The following AVEN variants were observed in gnomAD, a reference collection of about 807,000 sequenced individuals.
AVEN encodes cell death regulator Aven.
AVEN carries 41 observed loss-of-function variants against 38.1 expected under a neutral mutation model. The observed-to-expected ratio is 1.08, with a 90% CI of 0.84 to 1.40. The LOEUF (loss-of-function observed/expected upper bound fraction) is 1.40. AVEN is among the 40% of genes most tolerant of loss of function. The pLI is 0.00. For missense variants in AVEN, 605 were observed against 438.8 expected, an observed-to-expected ratio of 1.38 and a Z score of -3.38; for synonymous variants, 206 against 171.8, an observed-to-expected ratio of 1.20 and a Z score of -1.56.
chr15:33,857,085 C>G (rs1224363636), downstream of AVEN, among the ~76,000 whole-genome samples: 2 of 152,176 alleles, frequency 1.3e-5, no homozygotes, highest in Non-Finnish European at 2.9e-5. Context: ...CTATTCAATA[C>G]TTAAGTTCCT....
At chr15:33,867,273 C>A (rs1890629891) in intron 5 of AVEN, among the ~76,000 whole-genome samples, 1 of 152,150 alleles carries the variant, frequency 6.6e-6, no homozygotes, top group Non-Finnish European at 1.5e-5. Context: ...TGCAGTCAGG[C>A]AGGTAGCAGC....
chr15:33,865,809 TTTTATG>T (rs1328484244), downstream of AVEN: 1 of 152,900 alleles, frequency 6.5e-6, no homozygotes, highest in African/African-American at 2.4e-5. Context: ...TATGCAAGTT[TTTTATG>T]TTTGTGTTCC....
Position 33,867,600 on chromosome 15 carries a change from G to A in AVEN, c.868C>T (p.Leu290Phe), listed in dbSNP as rs1252538159. ...DHLEEELDLL[L>F]NLDAPIKEGD... Reference sequence around the variant, plus strand: ...TCTTTTATAGGTGCATCTAAATTAAGCAACAGATCTAGTTCTTCTTCCAAA... The same window carrying A: ...TCTTTTATAGGTGCATCTAAATTAAACAACAGATCTAGTTCTTCTTCCAAA... The change falls in exon 5 of 6, where the codon CTT becomes TTT. Residue 290 changes from leucine (L) to phenylalanine (F), a missense_variant. Leu to Phe is a conservative substitution (Grantham distance 22). Transcript: ENST00000306730. 1.9e-6 allele frequency: 3 copies of A among 1,614,070 alleles called. No individual in the cohort carries two copies. Among genetic ancestry groups the A allele is most frequent in the South Asian group, 1.1e-5 (1 of 91,088 alleles).
Position 34,038,915 on chromosome 15 carries a change from GCCGCCGCCT to G in AVEN, c.123_131del (p.Gly43_Gly45del), listed in dbSNP as rs910904456. The G allele has an allele frequency of 2.2e-5, 16 of 721,622 alleles. No homozygotes were observed. The highest frequency in any genetic ancestry group is 6.9e-6 in the Non-Finnish European group (4 of 576,644). The allele number at this position is 721,622 out of a possible 1,614,324, so 44.7% of individuals were successfully genotyped here. A position where few individuals can be genotyped will look rare whatever the true frequency, so the allele number is the denominator to read the frequency against. On this transcript the variant is annotated inframe_deletion, in exon 1 of 6. Coordinates refer to ENST00000306730, the MANE Select transcript of AVEN (RefSeq NM_020371.3). Reference sequence around the variant, plus strand: ...GGCCCCGGCGTCCGCCTCCGTCCCCGCCGCCGCCTCCGCCGCCGCCTCTGGCTACCGCCG... The same window carrying G: ...GGCCCCGGCGTCCGCCTCCGTCCCCGCCGCCGCCGCCTCTGGCTACCGCCG...
chr15:33,992,141 C>A (rs2140573051), intron 2 of AVEN: 1 of 152,400 alleles, frequency 6.6e-6, no homozygotes, highest in African/African-American at 2.4e-5. Context: ...AATCCCAGCA[C>A]TCTGGGAGGC....
At chr15:34,031,209 T>C (rs1898792634) in intron 1 of AVEN, among the ~76,000 whole-genome samples, 1 of 137,002 alleles carries the variant, frequency 7.3e-6, no homozygotes, top group East Asian at 2.4e-4. Flanking sequence ...AGTTTTGCTC[T>C]TGTTGCCCAG....
intron 2 of AVEN, among the ~76,000 whole-genome samples, chr15:33,942,842 C>T (rs553402733): frequency 1.3e-5 from 2 of 152,248 alleles, no homozygotes; most frequent in East Asian, 3.9e-4. Context: ...ATCAAAAGTT[C>T]TATATTCCTT....
intron 4 of AVEN, among the ~76,000 whole-genome samples, chr15:33,868,673 C>T (rs1890806199): frequency 6.6e-6 from 1 of 151,782 alleles, no homozygotes; most frequent in Non-Finnish European, 1.5e-5. Flanking sequence ...GTAAAAAATG[C>T]CAGACACAAA....
chr15:33,957,534 C>T (rs923957904), intron 2 of AVEN, among the ~76,000 whole-genome samples: 1 of 152,084 alleles, frequency 6.6e-6, no homozygotes, highest in African/African-American at 2.4e-5. Flanking sequence ...CACAAAAAGA[C>T]TTGTATATTA....
chr15:34,024,860 C>CA (rs34957149), intron 1 of AVEN, among the ~76,000 whole-genome samples: 94,125 of 145,784 alleles, frequency 0.65, 35,197 homozygotes, highest in Non-Finnish European at 0.84. Context: ...GACTCCTTCT[C>CA]AAAAAAAAAA....
downstream of AVEN, among the ~76,000 whole-genome samples, chr15:33,862,794 A>T (rs968009668): frequency 2.0e-5 from 3 of 152,076 alleles, no homozygotes; most frequent in Non-Finnish European, 4.4e-5. Flanking sequence ...TATTTTTAGT[A>T]GAGACAGGGT....
chr15:33,925,979 A>AT (rs1893590903), intron 2 of AVEN, among the ~76,000 whole-genome samples: 1 of 152,094 alleles, frequency 6.6e-6, no homozygotes, highest in Non-Finnish European at 1.5e-5. Context: ...GTATTGGGCG[A>AT]TATCCTTGAA....
rs1890546751 is a variant in AVEN, at chr15:33,866,627, T to C, written c.1075A>G (p.Ser359Gly). The change falls in exon 6 of 6, where the codon AGC (serine) becomes GGC (glycine). Residue 359 changes from serine (S) to glycine (G), a missense_variant. Coordinates refer to ENST00000306730, the MANE Select transcript of AVEN (RefSeq NM_020371.3). ...TTTTCCCCTTTTTAGGAAATCATGC[T>C]GTCCAACCAGTCTTCCAGCTCTTCC... is the stretch of plus-strand genomic sequence containing the variant. ...TEEELEDWLD[S>G]MIS is the part of the protein sequence containing the mutation. 1.2e-6 allele frequency: 2 copies of C among 1,613,598 alleles called. No individual in the cohort carries two copies. Among genetic ancestry groups the C allele is most frequent in the Non-Finnish European group, 1.7e-6 (2 of 1,179,694 alleles).
At chr15:33,917,982 C>A (rs1304030462) in intron 2 of AVEN, among the ~76,000 whole-genome samples, 1 of 152,100 alleles carries the variant, frequency 6.6e-6, no homozygotes, top group Non-Finnish European at 1.5e-5. Flanking sequence ...ATATATGATT[C>A]TTCAAAGATT....
chr15:33,978,131 C>G (rs1440124565), intron 2 of AVEN, among the ~76,000 whole-genome samples: 1 of 151,980 alleles, frequency 6.6e-6, no homozygotes, highest in Non-Finnish European at 1.5e-5. Context: ...GAAATTCAAC[C>G]AGAAAACCTT....
At chr15:33,986,535 A>G (rs1228214752) in intron 2 of AVEN, among the ~76,000 whole-genome samples, 1 of 152,164 alleles carries the variant, frequency 6.6e-6, no homozygotes, top group East Asian at 1.9e-4. Flanking sequence ...TAAAGAAAGC[A>G]AGCTTTCTGA....
Position 34,073,986 on chromosome 15 carries a change from C to CTTTTTTTTTTTTTTTTTTTTTTTTTTTT in AVEN, n.720+449_720+450insAAAAAAAAAAAAAAAAAAAAAAAAAAAA, listed in dbSNP as rs1381411256. 2.7e-5 allele frequency among the ~76,000 whole-genome samples: 3 copies of CTTTTTTTTTTTTTTTTTTTTTTTTTTTT among 112,244 alleles called. 1 individual carries two copies. Among genetic ancestry groups the CTTTTTTTTTTTTTTTTTTTTTTTTTTTT allele is most frequent in the African/African-American group, 1.2e-4 (3 of 24,268 alleles). 73.6% of individuals were successfully genotyped at this position (112,244 alleles called of 152,430 possible). ...TGGAGGAACTTTCTTTTTTCTTCTT[C>CTTTTTTTTTTTTTTTTTTTTTTTTTTTT]TTCTTTTTTTTTTTTTTTTTTTTTT... On this transcript the variant is annotated intron_variant and non_coding_transcript_variant, in intron 1 of 11. Transcript: ENST00000675287.
intron 2 of AVEN, among the ~76,000 whole-genome samples, chr15:33,886,321 G>C (rs1008353218): frequency 1.3e-5 from 2 of 152,008 alleles, no homozygotes. Flanking sequence ...TTTTTGTTTT[G>C]AGATGGAGTC....
intron 2 of AVEN, among the ~76,000 whole-genome samples, chr15:33,944,503 CATAA>C (rs1395443653): frequency 3.9e-5 from 6 of 152,096 alleles, no homozygotes; most frequent in Non-Finnish European, 8.8e-5. Flanking sequence ...TGGAAATCAA[CATAA>C]ATTTTTTTAA....
Sources: gnomAD v4.1 joint callset for allele counts (sites outside exome capture counted in the v4.1 genomes callset) on GRCh38, gnomAD v4.1.1 for gene constraint, MANE v1.5 for transcripts, NCBI Gene and HGNC (gene_info 2026-07-23, HGNC 2026-07-21) for gene names.